Variants in SCARB2 observed in about 807,000 individuals in gnomAD.
The protein encoded by SCARB2 is lysosome membrane protein 2.
SCARB2 carries 29 observed loss-of-function variants against 58.6 expected under a neutral mutation model. The observed-to-expected ratio is 0.49, with a 90% CI of 0.37 to 0.67. SCARB2 has a LOEUF of 0.67. SCARB2 is among the 30% of genes least tolerant of loss of function. The pLI is 0.00. For synonymous variants in SCARB2, 195 were observed against 210.1 expected (o/e 0.93, Z 0.62); for missense variants, 488 against 578.5 (o/e 0.84, Z 1.60).
At position 76,174,248 on chromosome 4, in the gene SCARB2, A is replaced by G. The variant is rs1259320539; in HGVS notation, c.890T>C (p.Val297Ala). Residue 297 changes from valine to alanine, a missense_variant, in exon 7 of 12, where the codon GTT (valine) becomes GCT (alanine). By Grantham distance (64) the Val-to-Ala change is moderately conservative. Transcript: ENST00000264896. ...CGTATTGGCTAATATTTCTGCAGGA[A>G]CTTTATACCGAAAGGCAGGCAGTCC... ...VQGLPAFRYK[V>A]PAEILANTSD... 1 of 1,614,192 alleles carries G rather than the reference A, an allele frequency of 6.2e-7. No homozygotes were observed. Among genetic ancestry groups the G allele is most frequent in the East Asian group, 2.2e-5 (1 of 44,888 alleles).
chr4:76,195,574 C>T (rs927399981), intron 2 of SCARB2, 133 bp downstream of exon 2: 14 of 748,982 alleles, frequency 1.9e-5, no homozygotes, highest in African/African-American at 5.2e-5. Flanking sequence ...ACATCAGCAG[C>T]GTTTCAGACA....
At chr4:76,184,663 T>G (rs1732449829) in intron 2 of SCARB2, 2 of 246,212 alleles carry the variant, frequency 8.1e-6, no homozygotes, top group Non-Finnish European at 1.6e-5. Context: ...GTACCTGTAG[T>G]GTCAGCTACT....
chr4:76,225,959 A>G (rs939162581), intron 1 of SCARB2, among the ~76,000 whole-genome samples: 2 of 152,258 alleles, frequency 1.3e-5, no homozygotes, highest in Middle Eastern at 3.4e-3. Flanking sequence ...TTTCAGTGAA[A>G]TTGGTACCAA....
At chr4:76,205,341 ACAAAAAC>A (rs1403148851) in intron 1 of SCARB2, among the ~76,000 whole-genome samples, 2 of 146,698 alleles carry the variant, frequency 1.4e-5, no homozygotes, top group African/African-American at 5.1e-5. Context: ...AAAAACAAAA[ACAAAAAC>A]AAAAATAAAA....
Position 76,196,308 on chromosome 4 carries a change from G to A in SCARB2, c.118-444C>T, listed in dbSNP as rs138518508. 5.7e-3 allele frequency among the ~76,000 whole-genome samples: 875 copies of A among 152,252 alleles called. 5 individuals are homozygous for A. Among genetic ancestry groups the A allele is most frequent in the African/African-American group, 0.02 (835 of 41,546 alleles). ...GTGGAGGTTGCAGTGAGCCAAGATC[G>A]TGCCACTGCACTCCAGCCTGGGTTA... On this transcript the variant is annotated intron_variant, in intron 1 of 11. Transcript: ENST00000264896.
chr4:76,226,238 G>A (rs1163010107), intron 1 of SCARB2, among the ~76,000 whole-genome samples: 6 of 152,224 alleles, frequency 3.9e-5, no homozygotes, highest in East Asian at 3.8e-4. Flanking sequence ...AAACAAAGAA[G>A]CAGGTGGTGA....
intron 2 of SCARB2, among the ~76,000 whole-genome samples, chr4:76,189,143 T>C (rs1732548508): frequency 6.6e-6 from 1 of 152,212 alleles, no homozygotes; most frequent in Non-Finnish European, 1.5e-5. Context: ...CATTAAATAG[T>C]AGACAGTCAG....
At chr4:76,225,915 G>A (rs1042113682) in intron 1 of SCARB2, among the ~76,000 whole-genome samples, 35 of 152,250 alleles carry the variant, frequency 2.3e-4, no homozygotes, top group African/African-American at 7.7e-4. Context: ...GAATGATTTA[G>A]GGAGGATTTC....
chr4:76,183,613 T>C (rs1327066413), intron 2 of SCARB2, among the ~76,000 whole-genome samples: 2 of 152,202 alleles, frequency 1.3e-5, no homozygotes, highest in Non-Finnish European at 2.9e-5. Context: ...CTGGAAACTC[T>C]CCAAATTCAG....
At position 76,196,318 on chromosome 4, in the gene SCARB2, A is replaced by T. The variant is rs530610514; in HGVS notation, c.118-454T>A. ...CAGTGAGCCAAGATCGTGCCACTGCACTCCAGCCTGGGTTACAGAGCAAGA... is the reference window on the plus strand; with the variant it reads ...CAGTGAGCCAAGATCGTGCCACTGCTCTCCAGCCTGGGTTACAGAGCAAGA... On this transcript the variant is annotated intron_variant, in intron 1 of 11. Transcript: ENST00000264896. Among the ~76,000 whole-genome samples, 82 of 152,254 alleles carry T rather than the reference A, an allele frequency of 5.4e-4. 2 individuals carry two copies. In the South Asian group the frequency reaches 0.016, roughly 30 times the overall value.
chr4:76,168,309 G>A, intron 9 of SCARB2, 94 bp downstream of exon 9: 1 of 950,106 alleles, frequency 1.1e-6, no homozygotes, highest in Non-Finnish European at 1.7e-6. Flanking sequence ...AGCAGGCTTA[G>A]ATGAAGTAGG....
intron 1 of SCARB2, 126 bp downstream of exon 1, chr4:76,213,301 C>CG: frequency 1.4e-6 from 1 of 737,778 alleles, no homozygotes; most frequent in African/African-American, 1.7e-5. Context: ...AAGACAGGGA[C>CG]GCAAGAAGAG....
At position 76,174,289 on chromosome 4, in the gene SCARB2, G is replaced by C; in HGVS notation, c.849C>G (p.Asp283Glu). 6.2e-7 allele frequency: 1 copy of C among 1,614,120 alleles called. No homozygotes were observed. Among genetic ancestry groups the C allele is most frequent in the Non-Finnish European group, 8.5e-7 (1 of 1,180,002 alleles). The change falls in exon 7 of 12, where the codon GAC becomes GAG. Residue 283 changes from aspartate (D) to glutamate (E), a missense_variant. By Grantham distance (45) the Asp-to-Glu change is conservative. Coordinates refer to ENST00000264896, the MANE Select transcript of SCARB2 (RefSeq NM_005506.4). Reference protein sequence around the residue: ...FCRSVYITFSDYESVQGLPAF... With the variant: ...FCRSVYITFSEYESVQGLPAF... ...CAGGCAGTCCCTGTACACTCTCATA[G>C]TCACTGAAAGTAATATACACTGACC... is the stretch of plus-strand genomic sequence containing the variant.
Position 76,175,771 on chromosome 4 carries a change from C to G in SCARB2, c.824+20G>C. 3.7e-6 allele frequency: 6 copies of G among 1,613,602 alleles called. No individual in the cohort carries two copies. The highest frequency in any genetic ancestry group is 5.1e-6 in the Non-Finnish European group (6 of 1,179,912). On this transcript the variant is annotated intron_variant, in intron 6 of 11. Coordinates refer to ENST00000264896, the MANE Select transcript of SCARB2 (RefSeq NM_005506.4). The stretch of plus-strand genomic sequence containing the variant: ...GAAAGACCTTATTTTTGAAAAAGAA[C>G]TTATCTTTAAAGCTTTTACCTGCAA...
intron 1 of SCARB2, among the ~76,000 whole-genome samples, chr4:76,199,114 T>C (rs1732777758): frequency 6.6e-6 from 1 of 152,162 alleles, no homozygotes; most frequent in South Asian, 2.1e-4. Flanking sequence ...ATCTCTGAGT[T>C]TTACACTGAC....
intron 1 of SCARB2, among the ~76,000 whole-genome samples, chr4:76,199,508 T>C (rs1560717763): frequency 6.6e-6 from 1 of 152,264 alleles, no homozygotes; most frequent in Non-Finnish European, 1.5e-5. Flanking sequence ...GAGATAAATA[T>C]GGCAGGACAT....
chr4:76,214,638 C>T (rs1733165394), upstream of SCARB2, among the ~76,000 whole-genome samples: 1 of 152,166 alleles, frequency 6.6e-6, no homozygotes, highest in African/African-American at 2.4e-5. Flanking sequence ...CTGCTTTGCT[C>T]ACTGTGGTGT....
At chr4:76,191,435 C>G (rs1291368191) in intron 2 of SCARB2, among the ~76,000 whole-genome samples, 4 of 152,258 alleles carry the variant, frequency 2.6e-5, no homozygotes, top group Non-Finnish European at 5.9e-5. Flanking sequence ...GGAAGGATTC[C>G]TCATGGCTTA....
chr4:76,228,585 C>T (rs1733440849), intron 1 of SCARB2, among the ~76,000 whole-genome samples: 1 of 151,724 alleles, frequency 6.6e-6, no homozygotes, highest in African/African-American at 2.4e-5. Flanking sequence ...CTGAAAAATA[C>T]TTTATCTCTT....
Sources: allele counts gnomAD v4.1 joint callset (sites outside exome capture counted in the v4.1 genomes callset), GRCh38; gene constraint gnomAD v4.1.1; transcripts MANE v1.5; gene names NCBI Gene and HGNC (gene_info 2026-07-23, HGNC 2026-07-21).